The following FYN variants were observed in gnomAD, a reference collection of about 807,000 sequenced individuals.
The protein encoded by FYN is tyrosine-protein kinase Fyn.
Under a neutral mutation model 70.2 loss-of-function variants are expected in FYN, and 10 were observed. The ratio of observed to expected loss-of-function variants is 0.14; its 90% CI spans 0.09 to 0.24. The LOEUF (loss-of-function observed/expected upper bound fraction) is 0.24, where lower values mean the gene tolerates loss of function less well. FYN is among the 10% of genes least tolerant of loss of function. FYN has a pLI of 1.00. For synonymous variants in FYN, 236 were observed against 248.6 expected (o/e 0.95, Z 0.48); for missense variants, 319 against 673.1 (o/e 0.47, Z 5.82).
chr6:111,742,354 A>G (rs932818585), intron 3 of FYN, among the ~76,000 whole-genome samples: 2 of 152,182 alleles, frequency 1.3e-5, no homozygotes, highest in African/African-American at 2.4e-5. Context: ...TCCAGTGTAG[A>G]AAAAAACACC....
chr6:111,837,059 A>T (rs1773209701), intron 2 of FYN, among the ~76,000 whole-genome samples: 1 of 152,166 alleles, frequency 6.6e-6, no homozygotes, highest in Non-Finnish European at 1.5e-5. Context: ...GCCATATATA[A>T]AAAAAACACT....
chr6:111,870,518 T>C (rs1774240248), intron 1 of FYN, among the ~76,000 whole-genome samples: 1 of 152,214 alleles, frequency 6.6e-6, no homozygotes, highest in South Asian at 2.1e-4. Context: ...ATTTGTTTAA[T>C]GTTAAATGAA....
rs1323110681 is a variant in FYN at position 111,739,075 on chromosome 6, T to C, written c.-11-19013A>G. ...CTAACTCTGTCCATTGCCATCACTC[T>C]CCTATTTTGAACTGAAGTGACCCCA... On this transcript the variant is annotated intron_variant, in intron 3 of 13. Transcript: ENST00000354650. 2.0e-5 allele frequency among the ~76,000 whole-genome samples: 3 copies of C among 152,174 alleles called. No individual in the cohort carries two copies. In the East Asian group the frequency reaches 5.8e-4, roughly 29 times the overall value.
At chr6:111,869,426 T>C (rs930625728) in intron 1 of FYN, among the ~76,000 whole-genome samples, 3 of 152,250 alleles carry the variant, frequency 2.0e-5, no homozygotes, top group East Asian at 3.8e-4. Context: ...GGTCTCACTC[T>C]GGAGCCCAGG....
intron 13 of FYN, among the ~76,000 whole-genome samples, chr6:111,667,513 C>T (rs1021746980): frequency 2.0e-5 from 3 of 152,146 alleles, no homozygotes; most frequent in African/African-American, 7.2e-5. Context: ...CTTCAGCCTC[C>T]CAAAGCACTG....
intron 2 of FYN, among the ~76,000 whole-genome samples, chr6:111,800,061 T>C (rs1771936490): frequency 6.6e-6 from 1 of 152,184 alleles, no homozygotes; most frequent in African/African-American, 2.4e-5. Flanking sequence ...GTAAAAATTA[T>C]CTTTAAAATG....
At chr6:111,779,808 C>A (rs1269430363) in intron 3 of FYN, among the ~76,000 whole-genome samples, 2 of 152,158 alleles carry the variant, frequency 1.3e-5, no homozygotes, top group African/African-American at 2.4e-5. Context: ...GTCTAGTCTC[C>A]AAACAAGGCT....
intron 2 of FYN, among the ~76,000 whole-genome samples, chr6:111,791,501 T>C (rs1322695922): frequency 6.6e-6 from 1 of 152,188 alleles, no homozygotes; most frequent in Non-Finnish European, 1.5e-5. Flanking sequence ...TGAATTAGTA[T>C]GGACTCTGAA....
intron 12 of FYN, among the ~76,000 whole-genome samples, chr6:111,688,920 C>T (rs114487956): frequency 0.012 from 1,892 of 152,268 alleles, 40 homozygotes; most frequent in African/African-American, 0.043. Context: ...CCCAGATCCA[C>T]TGACTGGCCT....
At chr6:111,681,835 AAAAC>A (rs1362850112) in intron 12 of FYN, among the ~76,000 whole-genome samples, 7 of 152,168 alleles carry the variant, frequency 4.6e-5, no homozygotes, top group Non-Finnish European at 1.5e-5. Flanking sequence ...TACAGATGAG[AAAAC>A]GGAACACCGA....
intron 3 of FYN, among the ~76,000 whole-genome samples, chr6:111,762,125 G>T (rs966241687): frequency 2.0e-5 from 3 of 152,120 alleles, no homozygotes; most frequent in African/African-American, 7.2e-5. Flanking sequence ...TAAGTGGCTT[G>T]AACTGGAAAA....
chr6:111,696,163 A>C (rs2128438383), intron 10 of FYN, 114 bp downstream of exon 10: 1 of 899,350 alleles, frequency 1.1e-6, no homozygotes. Flanking sequence ...TCCTAATGGG[A>C]ATACTTGACC....
In FYN at chr6:111,694,605, T is replaced by C. The variant is rs1168735248; in HGVS notation, c.1119+23A>G. On this transcript the variant is annotated intron_variant, in intron 11 of 13. Transcript: ENST00000354650. This position sits in a 1 kb window ranked among gnomAD's most constrained non-coding sequence, Gnocchi z 5.0. The stretch of plus-strand genomic sequence containing the variant: ...GACACGTCATTAAATCTATGGCACA[T>C]CAAGTTACCCTGCAGGGCCTACCTG... 3 of 1,613,702 alleles carry C rather than the reference T, an allele frequency of 1.9e-6. No homozygotes were observed. The highest frequency in any genetic ancestry group is 1.7e-6 in the Non-Finnish European group (2 of 1,179,802).
intron 3 of FYN, among the ~76,000 whole-genome samples, chr6:111,773,544 AGAGGGAGACGCAGAGGAGGGAGAGG>A (rs1803561238): frequency 2.6e-5 from 1 of 38,296 alleles, no homozygotes; most frequent in Non-Finnish European, 4.8e-5. Flanking sequence ...AGGGAGAGGG[AGAGGGAGACGCAGAGGAGGGAGAGG>A]GAGAGGGGGA....
intron 3 of FYN, among the ~76,000 whole-genome samples, chr6:111,780,084 C>T (rs1346818554): frequency 6.6e-6 from 1 of 152,164 alleles, no homozygotes; most frequent in Non-Finnish European, 1.5e-5. Context: ...CTTGGTCTCC[C>T]AAGACCACTG....
intron 12 of FYN, among the ~76,000 whole-genome samples, chr6:111,690,428 T>C (rs2128428694): frequency 6.6e-6 from 1 of 152,256 alleles, no homozygotes; most frequent in South Asian, 2.1e-4. Flanking sequence ...CCCAAATGCA[T>C]CCTCTTTCTC....
At chr6:111,806,400 G>A (rs1165713995) in intron 2 of FYN, among the ~76,000 whole-genome samples, 1 of 152,106 alleles carries the variant, frequency 6.6e-6, no homozygotes, top group Non-Finnish European at 1.5e-5. Context: ...CACCCCTTCG[G>A]CCCAGCTCTG....
chr6:111,835,204 A>G (rs751295148), intron 2 of FYN, among the ~76,000 whole-genome samples: 1 of 152,250 alleles, frequency 6.6e-6, no homozygotes, highest in Non-Finnish European at 1.5e-5. Flanking sequence ...TAGATTACCT[A>G]TAACAACCAG....
At chr6:111,720,127 G>A in intron 3 of FYN, 65 bp from the exon 4 acceptor site, 1 of 1,513,162 alleles carries the variant, frequency 6.6e-7, no homozygotes, top group Non-Finnish European at 8.9e-7. Context: ...TTGCTCTACA[G>A]TAAACGAGGA....
Sources: allele counts gnomAD v4.1 joint callset (sites outside exome capture counted in the v4.1 genomes callset), GRCh38; gene constraint gnomAD v4.1.1; non-coding constraint Gnocchi (gnomAD v3.1); transcripts MANE v1.5; gene names NCBI Gene and HGNC (gene_info 2026-07-23, HGNC 2026-07-21).